Variants in GOLGA4 observed in about 807,000 individuals in gnomAD.
The protein encoded by GOLGA4 is golgin subfamily A member 4.
A neutral mutation model predicts 265.9 loss-of-function variants in GOLGA4; 169 were observed. The ratio of observed to expected loss-of-function variants is 0.64; its 90% CI spans 0.56 to 0.72. The LOEUF (loss-of-function observed/expected upper bound fraction) is 0.72. GOLGA4 is among the 30% of genes least tolerant of loss of function. The pLI, the probability that GOLGA4 is intolerant of heterozygous loss-of-function variation, is 0.00. For missense variants in GOLGA4, 2,482 were observed against 2,483.4 expected, an observed-to-expected ratio of 1.00 and a Z score of 0.01; for synonymous variants, 923 against 855.8, an observed-to-expected ratio of 1.08 and a Z score of -1.37.
chr3:37,290,345 G>T (rs1346998528), intron 5 of GOLGA4, among the ~76,000 whole-genome samples: 1 of 152,036 alleles, frequency 6.6e-6, no homozygotes, highest in African/African-American at 2.4e-5. Context: ...AATCATATAG[G>T]AATTTCCTGT....
At position 37,327,553 on chromosome 3, in the gene GOLGA4, G is replaced by C. The variant is rs759160909; in HGVS notation, c.5667G>C (p.Gln1889His). ...ATGAAAAATTACAGGCTTTACAACAGATGGATGGAAGAAATAAACCCACAG... is the reference window on the plus strand; with the variant it reads ...ATGAAAAATTACAGGCTTTACAACACATGGATGGAAGAAATAAACCCACAG... ...SKYEKLQALQQMDGRNKPTEL... is the reference protein window; with the variant it reads ...SKYEKLQALQHMDGRNKPTEL... Residue 1889 changes from glutamine to histidine, a missense_variant, in exon 14 of 24, where the codon CAG becomes CAC. This residue lies in a region of GOLGA4 where 942 missense variants were observed against 983.1 expected (regional missense o/e 0.96). Coordinates refer to ENST00000361924, the MANE Select transcript of GOLGA4 (RefSeq NM_002078.5). 6.2e-7 allele frequency: 1 copy of C among 1,613,826 alleles called. No individual in the cohort carries two copies. The highest frequency in any genetic ancestry group is 1.1e-5 in the South Asian group (1 of 91,060).
At chr3:37,353,133 A>T (rs1285427940) in intron 21 of GOLGA4, among the ~76,000 whole-genome samples, 1 of 152,086 alleles carries the variant, frequency 6.6e-6, no homozygotes, top group African/African-American at 2.4e-5. Flanking sequence ...TTATATGGGC[A>T]TGGTTTGTGG....
At position 37,302,285 on chromosome 3, in the gene GOLGA4, C is replaced by G. The variant is rs199731065; in HGVS notation, c.1187C>G (p.Thr396Ser). Residue 396 changes from threonine (T) to serine (S), a missense_variant, in exon 10 of 24, where the codon ACC becomes AGC. Thr to Ser is a moderately conservative substitution (Grantham distance 58, BLOSUM62 1). Coordinates refer to ENST00000361924, the MANE Select transcript of GOLGA4 (RefSeq NM_002078.5). ...CGTAGTCGCATCAAACAGATGACTACCCAGGGAGAGGAATTACGGGAACAG... is the reference window on the plus strand; with the variant it reads ...CGTAGTCGCATCAAACAGATGACTAGCCAGGGAGAGGAATTACGGGAACAG... Reference protein sequence around the residue: ...QLRSRIKQMTTQGEELREQKE... With the variant: ...QLRSRIKQMTSQGEELREQKE... 1.2e-6 allele frequency: 2 copies of G among 1,613,106 alleles called. No individual in the cohort carries two copies. Among genetic ancestry groups the G allele is most frequent in the African/African-American group, 2.7e-5 (2 of 74,872 alleles).
At position 37,326,237 on chromosome 3, in the gene GOLGA4, T is replaced by C; in HGVS notation, c.4351T>C (p.Ser1451Pro). The C allele has an allele frequency of 6.2e-7, 1 of 1,613,700 alleles. No individual in the cohort carries two copies. Among genetic ancestry groups the C allele is most frequent in the Non-Finnish European group, 8.5e-7 (1 of 1,179,742 alleles). The change falls in exon 14 of 24, where the codon TCA (serine) becomes CCA (proline). Residue 1451 changes from serine to proline, a missense_variant. Coordinates refer to ENST00000361924, the MANE Select transcript of GOLGA4 (RefSeq NM_002078.5). ...CTCAGAATGGAAGAAGAAAGCACAGTCAAGATTTACACAGCATCAAAACAC... is the reference window on the plus strand; with the variant it reads ...CTCAGAATGGAAGAAGAAAGCACAGCCAAGATTTACACAGCATCAAAACAC... ...KFSEWKKKAQ[S>P]RFTQHQNTVK...
chr3:37,250,161 A>G (rs2096729995), intron 1 of GOLGA4: 1 of 152,022 alleles, frequency 6.6e-6, no homozygotes, highest in Admixed American at 6.6e-5. Flanking sequence ...GCTTTTCCTC[A>G]CCTCCCAATT....
chr3:37,254,599 C>T (rs1388002945), intron 2 of GOLGA4, among the ~76,000 whole-genome samples: 6 of 151,918 alleles, frequency 3.9e-5, no homozygotes, highest in Non-Finnish European at 5.9e-5. Context: ...ACCTCCGCCT[C>T]CTGGGTTCAA....
At chr3:37,365,305 G>T (rs1249892178) in intron 23 of GOLGA4, among the ~76,000 whole-genome samples, 5 of 152,084 alleles carry the variant, frequency 3.3e-5, no homozygotes, top group African/African-American at 7.2e-5. Context: ...CTCTCACTCT[G>T]TTGCCCAGGC....
At chr3:37,283,102 A>C (rs2096839181) in intron 3 of GOLGA4, among the ~76,000 whole-genome samples, 1 of 152,352 alleles carries the variant, frequency 6.6e-6, no homozygotes, top group East Asian at 1.9e-4. Flanking sequence ...CAGTATATTA[A>C]AGATAGTTGT....
At chr3:37,361,375 G>T in intron 23 of GOLGA4, 70 bp downstream of exon 23, 1 of 1,042,082 alleles carries the variant, frequency 9.6e-7, no homozygotes, top group South Asian at 1.4e-5. Flanking sequence ...TAACCATTTT[G>T]CTGGAATTCT....
intron 2 of GOLGA4, among the ~76,000 whole-genome samples, chr3:37,258,273 C>A: frequency 6.8e-6 from 1 of 146,272 alleles, no homozygotes; most frequent in African/African-American, 2.5e-5. Context: ...ATATATAGAG[C>A]ATATATATGA....
At chr3:37,364,655 C>T (rs1696608181) in intron 23 of GOLGA4, among the ~76,000 whole-genome samples, 1 of 150,964 alleles carries the variant, frequency 6.6e-6, no homozygotes, top group Non-Finnish European at 1.5e-5. Context: ...GGCGTGAACA[C>T]AGTTCACTGC....
intron 10 of GOLGA4, among the ~76,000 whole-genome samples, chr3:37,314,148 A>G (rs2096930652): frequency 2.0e-5 from 3 of 151,758 alleles, no homozygotes; most frequent in Non-Finnish European, 4.4e-5. Flanking sequence ...TTTAGTAGAG[A>G]TGGGGTTTCA....
chr3:37,366,157 C>T lies in GOLGA4; in HGVS notation c.*111C>T. 3 of 1,419,736 alleles carry T rather than the reference C, an allele frequency of 2.1e-6. No homozygotes were observed. Among genetic ancestry groups the T allele is most frequent in the African/African-American group, 2.9e-5 (2 of 69,854 alleles). 87.9% of individuals were successfully genotyped at this position (1,419,736 alleles called of 1,614,324 possible). ...TGGAAAACTGTCCACACTTGCTACT[C>T]TTTGAGAATGAAGTTGTCATTCAGG... On this transcript the variant is annotated 3_prime_UTR_variant, in exon 24 of 24. Transcript: ENST00000361924.
At chr3:37,356,154 GGTTCT>G (rs2097090432) in intron 22 of GOLGA4, among the ~76,000 whole-genome samples, 1 of 152,004 alleles carries the variant, frequency 6.6e-6, no homozygotes, top group Non-Finnish European at 1.5e-5. Context: ...TATTTGTTCT[GGTTCT>G]AACTCATAGA....
intron 10 of GOLGA4, among the ~76,000 whole-genome samples, chr3:37,313,699 C>T (rs73825071): frequency 1.0e-3 from 154 of 152,244 alleles, no homozygotes; most frequent in African/African-American, 3.1e-3. Context: ...TGCATACATA[C>T]ATATACAACC....
chr3:37,341,031 G>A (rs1367041118), intron 20 of GOLGA4, among the ~76,000 whole-genome samples: 1 of 152,086 alleles, frequency 6.6e-6, no homozygotes, highest in Non-Finnish European at 1.5e-5. Context: ...TCTGGGCATG[G>A]TGGCATGCGC....
chr3:37,353,690 C>T (rs2097081927), intron 21 of GOLGA4, among the ~76,000 whole-genome samples: 3 of 152,018 alleles, frequency 2.0e-5, no homozygotes, highest in Admixed American at 6.6e-5. Flanking sequence ...TGAGCCATAA[C>T]ACCTGACTAA....
intron 2 of GOLGA4, among the ~76,000 whole-genome samples, chr3:37,273,016 G>GT (rs1249928986): frequency 6.6e-6 from 1 of 152,072 alleles, no homozygotes; most frequent in Non-Finnish European, 1.5e-5. Context: ...GGAAGAAGAG[G>GT]TTTTTAAGTT....
intron 21 of GOLGA4, among the ~76,000 whole-genome samples, chr3:37,352,400 A>C (rs1271786062): frequency 6.6e-6 from 1 of 152,006 alleles, no homozygotes; most frequent in African/African-American, 2.4e-5. Context: ...TCACTATCAC[A>C]AGAACAGCAG....
Sources: allele counts gnomAD v4.1 joint callset (sites outside exome capture counted in the v4.1 genomes callset), GRCh38; gene constraint gnomAD v4.1.1; regional missense constraint gnomAD v4.1.1; transcripts MANE v1.5; gene names NCBI Gene and HGNC (gene_info 2026-07-23, HGNC 2026-07-21).